Variants in TYW1 observed in about 807,000 individuals in gnomAD.
TYW1 encodes the protein S-adenosyl-L-methionine-dependent tRNA 4-demethylwyosine synthase TYW1.
In TYW1, 46 loss-of-function variants were observed where a neutral mutation model predicts 96.2. The observed-to-expected ratio is 0.48, with a 90% CI of 0.38 to 0.61. The LOEUF (loss-of-function observed/expected upper bound fraction) is 0.61, where lower values mean the gene tolerates loss of function less well. Ranked by LOEUF, TYW1 falls within the 20% of genes least tolerant of loss-of-function variation. The pLI, the probability that TYW1 is intolerant of heterozygous loss-of-function variation, is 0.00. For synonymous variants in TYW1, 274 were observed against 323.0 expected (o/e 0.85, Z 1.63); for missense variants, 684 against 909.6 (o/e 0.75, Z 3.19).
At chr7:67,074,722 A>C (rs1431995599) in intron 10 of TYW1, among the ~76,000 whole-genome samples, 5 of 152,238 alleles carry the variant, frequency 3.3e-5, no homozygotes, top group African/African-American at 4.8e-5. Context: ...GGATTCTTAA[A>C]ATAGCCTCTG....
At chr7:67,098,759 T>C in intron 12 of TYW1, 41 bp downstream of exon 12, 1 of 1,525,384 alleles carries the variant, frequency 6.6e-7, no homozygotes, top group Non-Finnish European at 8.8e-7. Flanking sequence ...CTTGAATCTA[T>C]GTTTCACTGC....
At chr7:67,029,434 A>ATATATATATATATATATACATATATAT (rs1251271240) in intron 7 of TYW1, among the ~76,000 whole-genome samples, 1 of 60,410 alleles carries the variant, frequency 1.7e-5, no homozygotes, top group Non-Finnish European at 3.4e-5. Flanking sequence ...TATATATATA[A>ATATATATATATATATATACATATATAT]ATAGTATTTT....
At chr7:67,234,809 G>T (rs1175638071) in intron 15 of TYW1, among the ~76,000 whole-genome samples, 1 of 152,122 alleles carries the variant, frequency 6.6e-6, no homozygotes, top group African/African-American at 2.4e-5. Context: ...TTAGAAGTGA[G>T]GAAGTTGGTT....
intron 7 of TYW1, among the ~76,000 whole-genome samples, chr7:67,033,416 G>C (rs561306898): frequency 8.5e-5 from 13 of 152,208 alleles, no homozygotes; most frequent in Non-Finnish European, 1.3e-4. Context: ...GCTAATGCAA[G>C]TAGCTGATCC....
chr7:67,115,503 G>A (rs1200808936), intron 12 of TYW1, among the ~76,000 whole-genome samples: 2 of 152,040 alleles, frequency 1.3e-5, no homozygotes, highest in African/African-American at 4.8e-5. Context: ...TCCTACATTT[G>A]GTCAGAGCCT....
At chr7:67,053,959 C>T (rs10259711) in intron 8 of TYW1, among the ~76,000 whole-genome samples, 37,124 of 152,082 alleles carry the variant, frequency 0.24, 4,813 homozygotes, top group African/African-American at 0.32. Context: ...CACTGGGCTT[C>T]GCTTGGGTAG....
intron 15 of TYW1, among the ~76,000 whole-genome samples, chr7:67,211,191 T>TGTGTGTGTGTGTGTGTGTGTGTG (rs1353587546): frequency 5.6e-5 from 8 of 141,706 alleles, no homozygotes; most frequent in Non-Finnish European, 7.7e-5. Context: ...TGTGTGTGTG[T>TGTGTGTGTGTGTGTGTGTGTGTG]TTTGAGCACT....
chr7:67,117,099 A>G (rs1214679790), intron 12 of TYW1, among the ~76,000 whole-genome samples: 4 of 152,174 alleles, frequency 2.6e-5, no homozygotes, highest in Non-Finnish European at 5.9e-5. Context: ...CACAGACCCC[A>G]TGTGGTTGGC....
intron 7 of TYW1, among the ~76,000 whole-genome samples, chr7:67,047,230 ACTT>A (rs1795214095): frequency 6.6e-6 from 1 of 152,150 alleles, no homozygotes; most frequent in Non-Finnish European, 1.5e-5. Flanking sequence ...TCACCACAAG[ACTT>A]CTTTATCAAG....
At chr7:67,124,436 G>C (rs1260178153) in intron 13 of TYW1, among the ~76,000 whole-genome samples, 1 of 151,828 alleles carries the variant, frequency 6.6e-6, no homozygotes, top group African/African-American at 2.4e-5. Context: ...CTTGTTTGTT[G>C]CCCAGGCTGG....
chr7:67,212,611 A>G (rs1199061022), intron 15 of TYW1, among the ~76,000 whole-genome samples: 1 of 152,194 alleles, frequency 6.6e-6, no homozygotes, highest in Non-Finnish European at 1.5e-5. Flanking sequence ...ACCATTGATG[A>G]ATGGCTGTTC....
intron 15 of TYW1, among the ~76,000 whole-genome samples, chr7:67,216,062 A>G (rs1487440902): frequency 6.6e-6 from 1 of 151,858 alleles, no homozygotes; most frequent in Non-Finnish European, 1.5e-5. Flanking sequence ...ATCTGTCCTC[A>G]TGAGATTAAT....
At position 67,238,587 on chromosome 7, in the gene TYW1, T is replaced by G. The variant is rs1176514917; in HGVS notation, c.*58T>G. The G allele has an allele frequency of 1.9e-6, 3 of 1,595,302 alleles. No individual in the cohort carries two copies. Among genetic ancestry groups the G allele is most frequent in the Non-Finnish European group, 2.6e-6 (3 of 1,170,368 alleles). ...AACTTGGATGGCCTCAAAAGGTTCT[T>G]GAACACCACTGTGATTCTCCAAGGA... On this transcript the variant is annotated 3_prime_UTR_variant, in exon 16 of 16. Coordinates refer to ENST00000359626, the MANE Select transcript of TYW1 (RefSeq NM_018264.4).
intron 5 of TYW1, 88 bp downstream of exon 5, chr7:67,014,649 GCACA>G: frequency 3.5e-6 from 5 of 1,448,640 alleles, no homozygotes; most frequent in Admixed American, 2.3e-5. Context: ...GTGCACACAC[GCACA>G]CACACATAAA....
chr7:67,110,632 C>G (rs1797374441), intron 12 of TYW1, among the ~76,000 whole-genome samples: 1 of 152,160 alleles, frequency 6.6e-6, no homozygotes, highest in African/African-American at 2.4e-5. Flanking sequence ...AAACAATATT[C>G]CCAAAACCAA....
rs1365480326 is a variant in TYW1, at chr7:66,996,864, AG to A, written c.-113del. On this transcript the variant is annotated 5_prime_UTR_variant, in exon 1 of 16. It removes the in-frame stop codon of an upstream open reading frame in the 5' UTR. Coordinates refer to ENST00000359626, the MANE Select transcript of TYW1 (RefSeq NM_018264.4). Reference sequence around the variant, plus strand: ...GTGTCATGGCTGCCCACAGGTCTGCAGGCACTCGGTACGCCGCTAACGCGGC... The same window carrying A: ...GTGTCATGGCTGCCCACAGGTCTGCAGCACTCGGTACGCCGCTAACGCGGC... 6.4e-7 allele frequency: 1 copy of A among 1,557,640 alleles called. No individual in the cohort carries two copies. Among genetic ancestry groups the A allele is most frequent in the African/African-American group, 1.4e-5 (1 of 73,836 alleles).
chr7:67,164,550 G>A (rs10155976), intron 13 of TYW1, among the ~76,000 whole-genome samples: 42,424 of 151,162 alleles, frequency 0.28, 6,444 homozygotes, highest in African/African-American at 0.4. Flanking sequence ...AGTCAAGGCT[G>A]CAGTGAGCTA....
chr7:67,014,437 A>C lies in TYW1; in HGVS notation c.446A>C (p.Glu149Ala). Residue 149 changes from glutamate to alanine, a missense_variant, in exon 5 of 16, where the codon GAG becomes GCG. Coordinates refer to ENST00000359626, the MANE Select transcript of TYW1 (RefSeq NM_018264.4). ...GACGGCCTACCAACTGAAAGTGCAG[A>C]GTGGTTCTGCAAATGGTTAGAGGAA... ...YTDGLPTESA[E>A]WFCKWLEEAS... The C allele has an allele frequency of 1.2e-6, 2 of 1,613,932 alleles. No individual in the cohort carries two copies. Among genetic ancestry groups the C allele is most frequent in the South Asian group, 2.2e-5 (2 of 91,072 alleles).
intron 7 of TYW1, among the ~76,000 whole-genome samples, chr7:67,037,065 T>C (rs1794861907): frequency 6.6e-6 from 1 of 152,204 alleles, no homozygotes; most frequent in African/African-American, 2.4e-5. Flanking sequence ...GATTGATTAA[T>C]TGATTGCCTC....
Sources: allele counts gnomAD v4.1 joint callset (sites outside exome capture counted in the v4.1 genomes callset), GRCh38; gene constraint gnomAD v4.1.1; transcripts MANE v1.5; gene names NCBI Gene and HGNC (gene_info 2026-07-23, HGNC 2026-07-21).